BMPR1B: variants seen among roughly 807,000 people sequenced by gnomAD.
BMPR1B encodes bone morphogenetic protein receptor type-1B.
BMPR1B carries 12 observed loss-of-function variants against 59.1 expected under a neutral mutation model. The ratio of observed to expected loss-of-function variants is 0.20; its 90% CI spans 0.13 to 0.33. BMPR1B has a LOEUF of 0.33. BMPR1B is among the 10% of genes least tolerant of loss of function. The pLI, the probability that BMPR1B is intolerant of heterozygous loss-of-function variation, is 1.00. For synonymous variants in BMPR1B, 237 were observed against 207.3 expected (o/e 1.14, Z -1.23); for missense variants, 550 against 610.9 (o/e 0.90, Z 1.05).
At chr4:94,943,084 G>A (rs543455831) in intron 2 of BMPR1B, among the ~76,000 whole-genome samples, 2 of 151,822 alleles carry the variant, frequency 1.3e-5, no homozygotes, top group Non-Finnish European at 2.9e-5. Context: ...ATGCAGAGTA[G>A]TATGGAGGTG....
At chr4:94,929,929 C>T (rs774837678) in intron 2 of BMPR1B, among the ~76,000 whole-genome samples, 1 of 152,050 alleles carries the variant, frequency 6.6e-6, no homozygotes, top group South Asian at 2.1e-4. Context: ...TCTCTGTTCT[C>T]CTTGTGGCCA....
At position 95,154,549 on chromosome 4, in the gene BMPR1B, G is replaced by T. The variant is rs766596192; in HGVS notation, c.1385G>T (p.Cys462Phe). ...SFPNRWSSDE[C>F]LRQMGKLMTE... ...TTTTCTAACATTTCTCTTCCTCAGT[G>T]TCTAAGGCAGATGGGAAAACTCATG... is the stretch of plus-strand genomic sequence containing the variant. The change falls in exon 13 of 13, where the codon TGT (cysteine) becomes TTT (phenylalanine). Residue 462 changes from cysteine to phenylalanine, a missense_variant and splice_region_variant. By Grantham distance (205) the Cys-to-Phe change is radical. Coordinates refer to ENST00000515059, the MANE Select transcript of BMPR1B (RefSeq NM_001203.3). 5.6e-6 allele frequency: 9 copies of T among 1,614,094 alleles called. No individual in the cohort carries two copies. In the South Asian group the frequency reaches 9.9e-5, roughly 18 times the overall value.
At chr4:95,017,524 C>CACAT (rs1256305999) in intron 3 of BMPR1B, among the ~76,000 whole-genome samples, 1 of 152,206 alleles carries the variant, frequency 6.6e-6, no homozygotes, top group Non-Finnish European at 1.5e-5. Flanking sequence ...GGGCTTCACC[C>CACAT]CAGTGTGCCA....
rs1013653846 is a variant in BMPR1B at position 95,068,425 on chromosome 4, C to T, written c.-17-35983C>T. On this transcript the variant is annotated intron_variant, in intron 3 of 12. Transcript: ENST00000515059. Reference sequence around the variant, plus strand: ...GACCTACCCGTGACTGCTGTCAGGGCTACAGCCACCAGTTCCATGGAGACA... The same window carrying T: ...GACCTACCCGTGACTGCTGTCAGGGTTACAGCCACCAGTTCCATGGAGACA... Among the ~76,000 whole-genome samples, 5 of 152,132 alleles carry T rather than the reference C, an allele frequency of 3.3e-5. No individual in the cohort carries two copies. In the South Asian group the frequency reaches 1.0e-3, roughly 31 times the overall value.
At chr4:95,085,266 G>C (rs1729488967) in intron 3 of BMPR1B, among the ~76,000 whole-genome samples, 1 of 152,076 alleles carries the variant, frequency 6.6e-6, no homozygotes, top group Non-Finnish European at 1.5e-5. Flanking sequence ...AGAAGAGATG[G>C]GATCCAGCAG....
At chr4:95,144,959 A>G (rs1734536169) in intron 10 of BMPR1B, among the ~76,000 whole-genome samples, 1 of 152,132 alleles carries the variant, frequency 6.6e-6, no homozygotes, top group Non-Finnish European at 1.5e-5. Flanking sequence ...AATCCTTGAA[A>G]TGTACATTTT....
intron 2 of BMPR1B, among the ~76,000 whole-genome samples, chr4:94,894,506 A>T (rs987742952): frequency 6.6e-6 from 1 of 151,950 alleles, no homozygotes; most frequent in African/African-American, 2.4e-5. Context: ...GTTTCCATAT[A>T]GTCTCAGGGC....
intron 2 of BMPR1B, among the ~76,000 whole-genome samples, chr4:94,975,564 TTTCACCATGTTGCCA>T (rs1317621380): frequency 1.3e-5 from 2 of 151,606 alleles, no homozygotes; most frequent in South Asian, 2.1e-4. Context: ...AGAGGTGGGA[TTTCACCATGTTGCCA>T]TTCACCATGT....
chr4:95,098,523 TC>T (rs1298338326), intron 3 of BMPR1B, among the ~76,000 whole-genome samples: 2 of 151,984 alleles, frequency 1.3e-5, no homozygotes, highest in Non-Finnish European at 1.5e-5. Flanking sequence ...CACATGAAGA[TC>T]TTTTTTTTTG....
chr4:94,973,812 A>G (rs914725268), intron 2 of BMPR1B, among the ~76,000 whole-genome samples: 3 of 152,200 alleles, frequency 2.0e-5, no homozygotes, highest in Non-Finnish European at 4.4e-5. Flanking sequence ...TATCAGTATC[A>G]TGATGGTAAA....
intron 3 of BMPR1B, among the ~76,000 whole-genome samples, chr4:95,102,385 G>A (rs894231999): frequency 3.9e-5 from 6 of 152,214 alleles, no homozygotes; most frequent in African/African-American, 1.4e-4. Context: ...GCTGTGCCTG[G>A]AAAATGGGAG....
At chr4:94,888,704 G>C (rs1012055650) in intron 2 of BMPR1B, among the ~76,000 whole-genome samples, 4 of 152,002 alleles carry the variant, frequency 2.6e-5, no homozygotes. Flanking sequence ...GTAAATTTTT[G>C]CTTGCACCCA....
intron 3 of BMPR1B, among the ~76,000 whole-genome samples, chr4:95,102,364 T>C (rs1730885394): frequency 6.6e-6 from 1 of 152,252 alleles, no homozygotes; most frequent in Admixed American, 6.5e-5. Flanking sequence ...TAATTCATCC[T>C]AGTTAAACAG....
intron 2 of BMPR1B, among the ~76,000 whole-genome samples, chr4:94,895,492 C>T (rs559465891): frequency 1.3e-5 from 2 of 151,848 alleles, no homozygotes; most frequent in African/African-American, 4.8e-5. Flanking sequence ...TGCACTTCAG[C>T]TCTGTTGTTA....
In BMPR1B at chr4:94,890,713, C is replaced by T. The variant is rs145437362; in HGVS notation, c.-113+14813C>T. ...CTCTTTCTAGCTTACAGACTGCCAC[C>T]CTCTTACAGCGTCCTTACGTGGTGA... On this transcript the variant is annotated intron_variant, in intron 2 of 12. Coordinates refer to ENST00000515059, the MANE Select transcript of BMPR1B (RefSeq NM_001203.3). Among the ~76,000 whole-genome samples the T allele has an allele frequency of 8.5e-5, 13 of 152,094 alleles. No individual in the cohort carries two copies. In the East Asian group the frequency reaches 2.3e-3, roughly 27 times the overall value.
chr4:95,055,285 T>C (rs1726831801), intron 3 of BMPR1B, among the ~76,000 whole-genome samples: 1 of 151,182 alleles, frequency 6.6e-6, no homozygotes, highest in South Asian at 2.1e-4. Context: ...AGGTTATACA[T>C]TTTTTTTTAG....
chr4:94,935,285 C>A (rs1729247812), intron 2 of BMPR1B, among the ~76,000 whole-genome samples: 1 of 152,084 alleles, frequency 6.6e-6, no homozygotes, highest in Non-Finnish European at 1.5e-5. Context: ...GTCTCTGGAT[C>A]TTGTGAACTC....
At chr4:94,915,316 T>C (rs1728440847) in intron 2 of BMPR1B, among the ~76,000 whole-genome samples, 1 of 152,188 alleles carries the variant, frequency 6.6e-6, no homozygotes, top group African/African-American at 2.4e-5. Context: ...GAACATGAGT[T>C]ATTTGAATCT....
chr4:95,127,537 G>C (rs1732994921), intron 8 of BMPR1B, among the ~76,000 whole-genome samples: 1 of 152,092 alleles, frequency 6.6e-6, no homozygotes, highest in Non-Finnish European at 1.5e-5. Flanking sequence ...GCAATGCTTT[G>C]TAAGATCTGT....
Sources: allele counts gnomAD v4.1 joint callset (sites outside exome capture counted in the v4.1 genomes callset), GRCh38; gene constraint gnomAD v4.1.1; transcripts MANE v1.5; gene names NCBI Gene and HGNC (gene_info 2026-07-23, HGNC 2026-07-21).